The following DDX10 variants were observed in gnomAD, a reference collection of about 807,000 sequenced individuals.
DDX10 encodes DEAD-box helicase 10, also known as probable ATP-dependent RNA helicase DDX10.
In DDX10, 74 loss-of-function variants were observed where a neutral mutation model predicts 104.3. The ratio of observed to expected loss-of-function variants is 0.71; its 90% CI spans 0.59 to 0.86. DDX10 has a LOEUF of 0.86. Among genes scored for constraint, DDX10 ranks in the 40% least tolerant of loss-of-function variants. The pLI is 0.00. For missense variants in DDX10, 952 were observed against 1,040.0 expected (o/e 0.92, Z 1.16); for synonymous variants, 351 against 353.4 (o/e 0.99, Z 0.08).
At chr11:108,673,867 G>A (rs1007808072) in intron 2 of DDX10, among the ~76,000 whole-genome samples, 10 of 152,224 alleles carry the variant, frequency 6.6e-5, no homozygotes, top group African/African-American at 2.4e-4. Context: ...TTAAACAACA[G>A]AGACTGATTT....
intron 17 of DDX10, among the ~76,000 whole-genome samples, chr11:108,925,781 G>A (rs1390223745): frequency 2.0e-5 from 3 of 152,018 alleles, no homozygotes; most frequent in African/African-American, 7.3e-5. Context: ...AAAATTGTTA[G>A]TAAATTTTTT....
At chr11:108,706,709 G>C (rs2094276647) in intron 9 of DDX10, 30 bp from the exon 10 acceptor site, 2 of 1,514,982 alleles carry the variant, frequency 1.3e-6, no homozygotes, top group Non-Finnish European at 1.8e-6. Flanking sequence ...TTGCATTGAT[G>C]TGTTAAAGAT....
In DDX10 at chr11:108,841,411, A is replaced by G; in HGVS notation, c.2182A>G (p.Arg728Gly). ...TATCAACTTACATAAAGCAAAGGAAAGACTTCAGGAAGAGGACAAATTTGA... is the reference window on the plus strand; with the variant it reads ...TATCAACTTACATAAAGCAAAGGAAGGACTTCAGGAAGAGGACAAATTTGA... Reference protein sequence around the residue: ...GGINLHKAKERLQEEDKFDKE... With the variant: ...GGINLHKAKEGLQEEDKFDKE... The change falls in exon 15 of 18, where the codon AGA (arginine) becomes GGA (glycine). Residue 728 changes from arginine (R) to glycine (G), a missense_variant. By Grantham distance (125) the Arg-to-Gly change is moderately radical (BLOSUM62 -2). This residue lies in a region of DDX10 where 533 missense variants were observed against 534.1 expected (regional missense o/e 1.00). Transcript: ENST00000322536. The G allele has an allele frequency of 1.2e-6, 2 of 1,614,034 alleles. No homozygotes were observed. Among genetic ancestry groups the G allele is most frequent in the Non-Finnish European group, 1.7e-6 (2 of 1,179,916 alleles).
In DDX10 at chr11:108,940,366, C is replaced by A; in HGVS notation, c.2571C>A (p.Gly857=). The A allele has an allele frequency of 6.2e-7, 1 of 1,613,968 alleles. No individual in the cohort carries two copies. Among genetic ancestry groups the A allele is most frequent in the Non-Finnish European group, 8.5e-7 (1 of 1,180,000 alleles). ...RWDTLEPLDT[G]LSLAEDEELV... ...ACACTTTAGAGCCTTTGGATACCGG[C>A]CTGTCTTTAGCAGAGGATGAAGAGC... is the stretch of plus-strand genomic sequence containing the variant. The change falls in exon 18 of 18, where the codon GGC becomes GGA. Residue 857 remains glycine (G), a synonymous_variant. Coordinates refer to ENST00000322536, the MANE Select transcript of DDX10 (RefSeq NM_004398.4).
intron 16 of DDX10, among the ~76,000 whole-genome samples, chr11:108,884,051 A>G (rs571861932): frequency 5.5e-4 from 84 of 152,158 alleles, no homozygotes; most frequent in African/African-American, 1.9e-3. Flanking sequence ...TATCTTTCCA[A>G]TGTTGATGAA....
chr11:108,693,911 C>G (rs2094256206), intron 9 of DDX10, among the ~76,000 whole-genome samples: 1 of 152,238 alleles, frequency 6.6e-6, no homozygotes, highest in African/African-American at 2.4e-5. Context: ...GTAGTCCTCA[C>G]TTATCCTCAG....
At chr11:108,856,605 A>G (rs572669680) in intron 16 of DDX10, among the ~76,000 whole-genome samples, 1 of 152,292 alleles carries the variant, frequency 6.6e-6, no homozygotes, top group African/African-American at 2.4e-5. Flanking sequence ...AAGCAAAGCT[A>G]ACTTTATTCA....
intron 2 of DDX10, among the ~76,000 whole-genome samples, chr11:108,675,193 G>C (rs1204106944): frequency 2.0e-5 from 3 of 151,242 alleles, no homozygotes; most frequent in African/African-American, 7.3e-5. Flanking sequence ...TCATATCTTG[G>C]CTTCTGTGAA....
At chr11:108,780,239 G>T (rs1262615957) in intron 13 of DDX10, among the ~76,000 whole-genome samples, 1 of 152,148 alleles carries the variant, frequency 6.6e-6, no homozygotes, top group Non-Finnish European at 1.5e-5. Context: ...TAATGAAACA[G>T]AGATGAGTAT....
chr11:108,785,233 G>T (rs1276548979), intron 13 of DDX10, among the ~76,000 whole-genome samples: 1 of 152,148 alleles, frequency 6.6e-6, no homozygotes, highest in Non-Finnish European at 1.5e-5. Flanking sequence ...CACATTTATT[G>T]ATTTGTGTAT....
intron 13 of DDX10, among the ~76,000 whole-genome samples, chr11:108,788,278 T>C (rs1861821881): frequency 6.6e-6 from 1 of 152,190 alleles, no homozygotes; most frequent in Admixed American, 6.5e-5. Flanking sequence ...AAATGTGATG[T>C]AAGTTGGGTA....
intron 17 of DDX10, among the ~76,000 whole-genome samples, chr11:108,926,247 A>G (rs554347038): frequency 2.0e-4 from 30 of 152,208 alleles, no homozygotes; most frequent in Middle Eastern, 6.8e-3. Flanking sequence ...GGAAATCTTG[A>G]GATTTCGTGA....
At chr11:108,816,345 G>A (rs919741882) in intron 13 of DDX10, among the ~76,000 whole-genome samples, 6 of 152,044 alleles carry the variant, frequency 3.9e-5, no homozygotes, top group Non-Finnish European at 8.8e-5. Flanking sequence ...TTAACTAGTT[G>A]TTTAATATCT....
intron 16 of DDX10, among the ~76,000 whole-genome samples, chr11:108,896,812 A>G (rs1425735295): frequency 6.6e-6 from 1 of 152,100 alleles, no homozygotes; most frequent in Non-Finnish European, 1.5e-5. Context: ...CATGATAGTG[A>G]CATTGTCTGG....
chr11:108,779,869 T>A (rs530247280), intron 13 of DDX10, among the ~76,000 whole-genome samples: 11 of 152,266 alleles, frequency 7.2e-5, no homozygotes, highest in Admixed American at 2.6e-4. Flanking sequence ...GGAGGTAAAC[T>A]GGAGCAAAAT....
chr11:108,748,736 A>G lies in DDX10; in HGVS notation c.1965+25274A>G, dbSNP rs565639425. Among the ~76,000 whole-genome samples, 12 of 152,188 alleles carry G rather than the reference A, an allele frequency of 7.9e-5. No individual in the cohort carries two copies. The South Asian group carries it at 2.5e-3, about 32-fold the overall frequency. On this transcript the variant is annotated intron_variant, in intron 13 of 17. Coordinates refer to ENST00000322536, the MANE Select transcript of DDX10 (RefSeq NM_004398.4). ...TGTGCTGTCACTTGGGCTAGAGTAC[A>G]GTGGCATGATCATAGCTCACTGCAG... is the stretch of plus-strand genomic sequence containing the variant.
At chr11:108,881,649 A>G (rs192576004) in intron 16 of DDX10, among the ~76,000 whole-genome samples, 11 of 152,276 alleles carry the variant, frequency 7.2e-5, no homozygotes, top group South Asian at 2.1e-4. Flanking sequence ...CTATTATAAA[A>G]TAGGCTTTAT....
intron 13 of DDX10, among the ~76,000 whole-genome samples, chr11:108,735,292 C>A (rs753133574): frequency 6.6e-6 from 1 of 152,110 alleles, no homozygotes; most frequent in Non-Finnish European, 1.5e-5. Context: ...ATTTATTCAG[C>A]AAATATTTGA....
intron 16 of DDX10, among the ~76,000 whole-genome samples, chr11:108,878,820 A>G (rs1019177225): frequency 6.6e-6 from 1 of 151,394 alleles, no homozygotes; most frequent in African/African-American, 2.4e-5. Flanking sequence ...AAAACTTACT[A>G]TGTATGTGAA....
Sources: allele counts gnomAD v4.1 joint callset (sites outside exome capture counted in the v4.1 genomes callset), GRCh38; gene constraint gnomAD v4.1.1; regional missense constraint gnomAD v4.1.1; transcripts MANE v1.5; gene names NCBI Gene and HGNC (gene_info 2026-07-23, HGNC 2026-07-21).